The following EFHD1 variants were observed in gnomAD, a reference collection of about 807,000 sequenced individuals.
The protein encoded by EFHD1 is EF-hand domain-containing protein D1.
A neutral mutation model predicts 17.2 loss-of-function variants in EFHD1; 10 were observed. The observed-to-expected ratio is 0.58, with a 90% CI of 0.36 to 0.99. The LOEUF is 0.99. Among genes scored for constraint, EFHD1 ranks in the 50% least tolerant of loss-of-function variants. The pLI is 0.01. For synonymous variants in EFHD1, 153 were observed against 142.0 expected (o/e 1.08, Z -0.55); for missense variants, 310 against 327.5 (o/e 0.95, Z 0.41).
chr2:232,631,708 A>AC (rs1363221087), upstream of EFHD1, among the ~76,000 whole-genome samples: 40 of 136,310 alleles, frequency 2.9e-4, no homozygotes, highest in East Asian at 9.3e-4. Flanking sequence ...AAAAAAAAAC[A>AC]AAAACAAAAC....
chr2:232,676,600 T>C (rs909822832), intron 3 of EFHD1, among the ~76,000 whole-genome samples: 5 of 152,154 alleles, frequency 3.3e-5, no homozygotes, highest in Non-Finnish European at 7.3e-5. Flanking sequence ...CCCTGGGCCA[T>C]GTTGCAGGCC....
intron 2 of EFHD1, among the ~76,000 whole-genome samples, chr2:232,669,710 C>T (rs573917531): frequency 6.6e-6 from 1 of 151,644 alleles, no homozygotes; most frequent in South Asian, 2.1e-4. Context: ...AAGCGATTCT[C>T]CTGCTTCAGG....
chr2:232,619,081 A>G (rs1226549597), intron 1 of EFHD1, among the ~76,000 whole-genome samples: 1 of 152,002 alleles, frequency 6.6e-6, no homozygotes, highest in African/African-American at 2.4e-5. Context: ...CCTGGGAGGC[A>G]GGCAGAATTT....
intron 3 of EFHD1, among the ~76,000 whole-genome samples, chr2:232,681,053 G>A (rs1458074553): frequency 6.6e-6 from 1 of 152,050 alleles, no homozygotes; most frequent in East Asian, 1.9e-4. Flanking sequence ...CTACTCGGGA[G>A]GCTGAGACAG....
rs1289239120 is a variant in EFHD1, at chr2:232,681,849, C to T, written c.*130C>T. 1.4e-6 allele frequency: 2 copies of T among 1,386,406 alleles called. No individual in the cohort carries two copies. Among genetic ancestry groups the T allele is most frequent in the Non-Finnish European group, 1.9e-6 (2 of 1,045,192 alleles). The allele number at this position is 1,386,406 out of a possible 1,614,324, so 85.9% of individuals were successfully genotyped here. The stretch of plus-strand genomic sequence containing the variant: ...ATCTCCATCCACCACCCCGTGCCAG[C>T]TCCCGTGCCAGCCTTCATTCCTCCC... On this transcript the variant is annotated 3_prime_UTR_variant, in exon 4 of 4. Transcript: ENST00000264059.
chr2:232,627,036 C>CTATA (rs1178834241), intron 1 of EFHD1, among the ~76,000 whole-genome samples: 87 of 112,662 alleles, frequency 7.7e-4, no homozygotes, highest in Middle Eastern at 4.4e-3. Flanking sequence ...CTCTCTCTCT[C>CTATA]TATATATATA....
intron 3 of EFHD1, among the ~76,000 whole-genome samples, chr2:232,675,246 GAAAGAAAAGAAAAGA>G (rs71056291): frequency 2.0e-5 from 3 of 149,284 alleles, no homozygotes; most frequent in African/African-American, 7.4e-5. Context: ...AGAAAGAAAA[GAAAGAAAAGAAAAGA>G]AAAGAAAAGA....
chr2:232,606,216 A>G, intron 1 of EFHD1: 1 of 1,548,022 alleles, frequency 6.5e-7, no homozygotes. Context: ...AGAGTCTACG[A>G]TTTTCGACGT....
chr2:232,640,654 GT>G (rs1694412518), intron 1 of EFHD1, among the ~76,000 whole-genome samples: 2 of 152,192 alleles, frequency 1.3e-5, no homozygotes, highest in South Asian at 4.2e-4. Context: ...ACATGATGCT[GT>G]TTGGATGGGA....
chr2:232,649,348 G>A (rs1298303565), intron 1 of EFHD1, among the ~76,000 whole-genome samples: 1 of 152,212 alleles, frequency 6.6e-6, no homozygotes, highest in Non-Finnish European at 1.5e-5. Flanking sequence ...CTCAGTGGTG[G>A]CCTCAACTAG....
At chr2:232,611,439 C>T (rs1018330041) in intron 1 of EFHD1, 2 of 152,072 alleles carry the variant, frequency 1.3e-5, no homozygotes, top group Admixed American at 1.3e-4. Flanking sequence ...TTCTCATCAT[C>T]GATGAGACGT....
intron 1 of EFHD1, among the ~76,000 whole-genome samples, chr2:232,658,050 G>A (rs528286415): frequency 6.6e-6 from 1 of 151,184 alleles, no homozygotes; most frequent in East Asian, 2.0e-4. Context: ...ACAGGCATGC[G>A]CCACCATGCC....
Position 232,679,542 on chromosome 2 carries a change from C to G in EFHD1, c.586-2043C>G, listed in dbSNP as rs574931340. On this transcript the variant is annotated intron_variant, in intron 3 of 3. Coordinates refer to ENST00000264059, the MANE Select transcript of EFHD1 (RefSeq NM_025202.4). ...CCAGCCTGGGCAACATAGAGCAACC[C>G]CATCTCTACAAAAAATTGAAAAAAT... 9.7e-4 allele frequency among the ~76,000 whole-genome samples: 147 copies of G among 151,314 alleles called. 2 individuals carry two copies. The South Asian group carries it at 0.011, about 11-fold the overall frequency.
rs577942819 is a variant in EFHD1 at position 232,613,466 on chromosome 2, C to T, written c.14+7293C>T. Among the ~76,000 whole-genome samples the T allele has an allele frequency of 1.7e-4, 26 of 152,074 alleles. No homozygotes were observed. In the South Asian group the frequency reaches 5.2e-3, roughly 30 times the overall value. On this transcript the variant is annotated intron_variant, in intron 1 of 3. Coordinates refer to the EFHD1 transcript ENST00000409613. ...CCACACAAAGACTCAAACACAGAGA[C>T]GAAAATTTCCACAGCAGCTTTACTA... is the stretch of plus-strand genomic sequence containing the variant.
intron 1 of EFHD1, among the ~76,000 whole-genome samples, chr2:232,650,751 T>C (rs1257654805): frequency 6.6e-6 from 1 of 151,072 alleles, no homozygotes; most frequent in Non-Finnish European, 1.5e-5. Flanking sequence ...GCATTTTTAG[T>C]GGAGATGGGG....
rs370624949 is a variant in EFHD1 at position 232,614,023 on chromosome 2, TACAC to T, written c.14+7856_14+7859del. Among the ~76,000 whole-genome samples, 653 of 85,270 alleles carry T rather than the reference TACAC, an allele frequency of 7.7e-3. 4 individuals carry two copies. The highest frequency in any genetic ancestry group is 0.023 in the African/African-American group (594 of 25,940). The allele number at this position is 85,270 out of a possible 152,430, so 55.9% of individuals were successfully genotyped here. A position where few individuals can be genotyped will look rare whatever the true frequency, so the allele number is the denominator to read the frequency against. ...GTGCACATACACATATACACACAAA[TACAC>T]ACACAAACATACACAAACACACACA... is the stretch of plus-strand genomic sequence containing the variant. On this transcript the variant is annotated intron_variant, in intron 1 of 3. Transcript: ENST00000409613.
intron 1 of EFHD1, among the ~76,000 whole-genome samples, chr2:232,660,850 C>T (rs996060280): frequency 1.3e-5 from 2 of 152,044 alleles, no homozygotes; most frequent in Non-Finnish European, 2.9e-5. Flanking sequence ...TGGTGGCACA[C>T]ACTTGTAATC....
At chr2:232,643,617 C>T (rs1049819329) in intron 1 of EFHD1, among the ~76,000 whole-genome samples, 1 of 151,780 alleles carries the variant, frequency 6.6e-6, no homozygotes, top group South Asian at 2.1e-4. Context: ...AACTCCTGGG[C>T]TCAAGCAGTC....
At chr2:232,664,787 G>A (rs1322649184) in intron 2 of EFHD1, among the ~76,000 whole-genome samples, 2 of 150,258 alleles carry the variant, frequency 1.3e-5, no homozygotes, top group Admixed American at 6.6e-5. Context: ...CTAATTTTTC[G>A]TATTTTTAGT....
Sources: gnomAD v4.1 joint callset for allele counts (sites outside exome capture counted in the v4.1 genomes callset) on GRCh38, gnomAD v4.1.1 for gene constraint, MANE v1.5 for transcripts, NCBI Gene and HGNC (gene_info 2026-07-23, HGNC 2026-07-21) for gene names.